MDGA2: variants seen among roughly 807,000 people sequenced by gnomAD.
MDGA2 encodes MAM domain containing glycosylphosphatidylinositol anchor 2, also known as MAM domain-containing glycosylphosphatidylinositol anchor protein 2.
Under a neutral mutation model 117.8 loss-of-function variants are expected in MDGA2, and 40 were observed. That is an observed-to-expected ratio of 0.34 (90% CI 0.26 to 0.44). The LOEUF is 0.44. Ranked by LOEUF, MDGA2 falls within the 20% of genes least tolerant of loss-of-function variation. The pLI is 1.00. For missense variants in MDGA2, 1,123 were observed against 1,250.6 expected (o/e 0.90, Z 1.54); for synonymous variants, 452 against 439.0 (o/e 1.03, Z -0.37).
chr14:47,187,988 A>G (rs1198347535), intron 3 of MDGA2, among the ~76,000 whole-genome samples: 4 of 151,982 alleles, frequency 2.6e-5, no homozygotes, highest in Non-Finnish European at 5.9e-5. Context: ...TCAAATTACA[A>G]AAAGTGTAGT....
chr14:47,374,771 G>T (rs921309294), intron 1 of MDGA2, among the ~76,000 whole-genome samples: 1 of 151,952 alleles, frequency 6.6e-6, no homozygotes, highest in African/African-American at 2.4e-5. Context: ...AGAAATATGT[G>T]ATCCTTTCTG....
At position 47,674,768 on chromosome 14, in the gene MDGA2, C is replaced by T. The variant is rs1016997159; in HGVS notation, c.29G>A (p.Arg10His). Residue 10 changes from arginine to histidine, a missense_variant, in exon 1 of 17, where the codon CGC becomes CAC. Arg to His is a conservative substitution (Grantham distance 29). Around this residue, in one of 2 missense-constraint regions of MDGA2, gnomAD observed 233 missense variants for 200.3 expected, o/e 1.16. Transcript: ENST00000399232. MSVWSAGLLRSARRRRRGRT... is the reference protein window; with the variant it reads MSVWSAGLLHSARRRRRGRT... ...TCCCCGGCGGCGGCGGCGAGCGGAG[C>T]GCAGGAGCCCCGCACTCCACACACT... The T allele has an allele frequency of 3.2e-5, 22 of 695,640 alleles. No individual in the cohort carries two copies. Among genetic ancestry groups the T allele is most frequent in the Middle Eastern group, 5.6e-4 (2 of 3,546 alleles). 43.1% of individuals were successfully genotyped at this position (695,640 alleles called of 1,614,324 possible).
intron 1 of MDGA2, among the ~76,000 whole-genome samples, chr14:47,453,090 G>A (rs920575149): frequency 6.6e-6 from 1 of 151,896 alleles, no homozygotes; most frequent in Non-Finnish European, 1.5e-5. Flanking sequence ...AAAGTTTAAA[G>A]TATTTCATAT....
At chr14:47,422,795 A>G (rs1261195537) in intron 1 of MDGA2, among the ~76,000 whole-genome samples, 2 of 152,188 alleles carry the variant, frequency 1.3e-5, no homozygotes, top group Non-Finnish European at 2.9e-5. Context: ...GCCACAATAC[A>G]TGTCTCTTCT....
At chr14:46,846,867 C>A (rs1463954002) in intron 15 of MDGA2, among the ~76,000 whole-genome samples, 1 of 152,106 alleles carries the variant, frequency 6.6e-6, no homozygotes, top group Non-Finnish European at 1.5e-5. Flanking sequence ...TAACATCAAT[C>A]TGGTAATGTG....
chr14:47,010,050 A>G (rs1447971479), intron 8 of MDGA2, among the ~76,000 whole-genome samples: 2 of 152,058 alleles, frequency 1.3e-5, no homozygotes, highest in African/African-American at 4.8e-5. Flanking sequence ...TACTCCTTCT[A>G]CTATGTAGGA....
At chr14:47,647,790 T>C (rs1188934362) in intron 1 of MDGA2, among the ~76,000 whole-genome samples, 2 of 152,150 alleles carry the variant, frequency 1.3e-5, no homozygotes, top group Non-Finnish European at 2.9e-5. Context: ...ATATAAAACA[T>C]GAAATCAGCT....
At chr14:47,043,270 G>A (rs905401154) in intron 7 of MDGA2, among the ~76,000 whole-genome samples, 2 of 152,032 alleles carry the variant, frequency 1.3e-5, no homozygotes, top group African/African-American at 4.8e-5. Context: ...ACGGTTTGAT[G>A]GAAGGTGGCT....
chr14:47,159,344 C>G (rs184408971), intron 3 of MDGA2, among the ~76,000 whole-genome samples: 4 of 152,268 alleles, frequency 2.6e-5, no homozygotes, highest in East Asian at 3.9e-4. Context: ...TTTTCTCACA[C>G]AAACTACTTC....
intron 1 of MDGA2, among the ~76,000 whole-genome samples, chr14:47,586,929 C>T (rs1896335738): frequency 6.6e-6 from 1 of 151,954 alleles, no homozygotes; most frequent in Non-Finnish European, 1.5e-5. Context: ...TTGTCCATTG[C>T]ATTGTCTTTC....
At chr14:46,974,157 G>T (rs1294971875) in intron 8 of MDGA2, among the ~76,000 whole-genome samples, 4 of 152,000 alleles carry the variant, frequency 2.6e-5, no homozygotes, top group Non-Finnish European at 5.9e-5. Flanking sequence ...AAATACTTAG[G>T]AGTTAATTTA....
rs200289533 is a variant in MDGA2 at position 46,977,395 on chromosome 14, AT to A, written c.1820-19753del. On this transcript the variant is annotated intron_variant, in intron 8 of 16. Coordinates refer to ENST00000399232, the MANE Select transcript of MDGA2 (RefSeq NM_001113498.3). ...GACAAACATTAATGCAAGAAAAAAAATAAAAGATGAAAACAGAGACTTCATT... is the reference window on the plus strand; with the variant it reads ...GACAAACATTAATGCAAGAAAAAAAAAAAAGATGAAAACAGAGACTTCATT... 5.9e-3 allele frequency among the ~76,000 whole-genome samples: 892 copies of A among 152,028 alleles called. 1 individual carries two copies. Among genetic ancestry groups the A allele is most frequent in the East Asian group, 0.019 (96 of 5,188 alleles).
At chr14:47,324,641 T>C (rs574966274) in intron 1 of MDGA2, among the ~76,000 whole-genome samples, 87 of 151,758 alleles carry the variant, frequency 5.7e-4, no homozygotes, top group Middle Eastern at 3.4e-3. Context: ...GATCACAAAT[T>C]CATGCATTTT....
intron 1 of MDGA2, among the ~76,000 whole-genome samples, chr14:47,630,003 T>C (rs1057416807): frequency 1.3e-5 from 2 of 151,620 alleles, no homozygotes; most frequent in South Asian, 2.1e-4. Context: ...TAGCAAGGTA[T>C]AAAAGCAAGG....
chr14:47,215,985 AG>A (rs905857390), intron 3 of MDGA2, among the ~76,000 whole-genome samples: 15 of 152,154 alleles, frequency 9.9e-5, no homozygotes, highest in African/African-American at 3.6e-4. Flanking sequence ...TGAATGGAAG[AG>A]GAGTCAAACT....
At chr14:47,241,657 A>G (rs1887045360) in intron 2 of MDGA2, among the ~76,000 whole-genome samples, 1 of 151,780 alleles carries the variant, frequency 6.6e-6, no homozygotes, top group Non-Finnish European at 1.5e-5. Context: ...AAGAGTAGAA[A>G]TGTTGTCCCA....
intron 2 of MDGA2, among the ~76,000 whole-genome samples, chr14:47,256,576 G>A (rs759217262): frequency 2.0e-5 from 3 of 152,058 alleles, no homozygotes; most frequent in Non-Finnish European, 2.9e-5. Flanking sequence ...ACTTAAAGAA[G>A]ATATGCTAAA....
intron 3 of MDGA2, chr14:47,200,704 C>T (rs2139440879): frequency 2.1e-6 from 2 of 934,948 alleles, no homozygotes; most frequent in Non-Finnish European, 1.7e-6. Context: ...TGGCCTTCTC[C>T]TTCCTCTTCT....
At position 47,326,418 on chromosome 14, in the gene MDGA2, C is replaced by T. The variant is rs548458034; in HGVS notation, c.281-24868G>A. ...AGGTTAAATAACTTGCCCAGGGTCA[C>T]AAAGGGAGTAAGAATCTGAGCATTC... On this transcript the variant is annotated intron_variant, in intron 1 of 16. Coordinates refer to ENST00000399232, the MANE Select transcript of MDGA2 (RefSeq NM_001113498.3). Among the ~76,000 whole-genome samples the T allele has an allele frequency of 2.1e-4, 32 of 152,174 alleles. No homozygotes were observed. In the South Asian group the frequency reaches 6.2e-3, roughly 30 times the overall value.
Sources: gnomAD v4.1 joint callset for allele counts (sites outside exome capture counted in the v4.1 genomes callset) on GRCh38, gnomAD v4.1.1 for gene constraint, gnomAD v4.1.1 regional missense constraint, MANE v1.5 for transcripts, NCBI Gene and HGNC (gene_info 2026-07-23, HGNC 2026-07-21) for gene names.